The following RASGRF2 variants were observed in gnomAD, a reference collection of about 807,000 sequenced individuals.
RASGRF2 encodes ras-specific guanine nucleotide-releasing factor 2.
In RASGRF2, 76 loss-of-function variants were observed where a neutral mutation model predicts 151.0. The ratio of observed to expected loss-of-function variants is 0.50; its 90% CI spans 0.42 to 0.61. The LOEUF is 0.61. RASGRF2 is among the 20% of genes least tolerant of loss of function. The pLI is 0.00. For synonymous variants in RASGRF2, 504 were observed against 566.5 expected (o/e 0.89, Z 1.57); for missense variants, 1,148 against 1,564.6 (o/e 0.73, Z 4.49).
At chr5:81,208,217 T>C in intron 21 of RASGRF2, 137 bp from the exon 22 acceptor site, 1 of 624,290 alleles carries the variant, frequency 1.6e-6, no homozygotes, top group South Asian at 2.3e-5. Flanking sequence ...CTTGTGAGGC[T>C]GGCAGCAGCA....
At chr5:81,218,199 A>G (rs1755786581) in intron 25 of RASGRF2, among the ~76,000 whole-genome samples, 1 of 152,156 alleles carries the variant, frequency 6.6e-6, no homozygotes, top group African/African-American at 2.4e-5. Context: ...TTGCGGTGGA[A>G]GAGGAGGTGG....
intron 17 of RASGRF2, among the ~76,000 whole-genome samples, chr5:81,177,392 G>A (rs1322140100): frequency 6.6e-6 from 1 of 151,720 alleles, no homozygotes; most frequent in Non-Finnish European, 1.5e-5. Context: ...AGGGGCCTCT[G>A]GCCTTTAGAA....
chr5:81,010,689 A>G (rs527671057), intron 1 of RASGRF2, among the ~76,000 whole-genome samples: 1 of 152,348 alleles, frequency 6.6e-6, no homozygotes, highest in African/African-American at 2.4e-5. Flanking sequence ...TTCAGCTATC[A>G]GCAAATGAGG....
At chr5:81,001,931 G>C (rs1190356784) in intron 1 of RASGRF2, among the ~76,000 whole-genome samples, 2 of 152,146 alleles carry the variant, frequency 1.3e-5, no homozygotes, top group Non-Finnish European at 2.9e-5. Flanking sequence ...TGTCTTCTAT[G>C]TCCTATTGAG....
At chr5:81,083,740 T>C (rs1752151814) in intron 7 of RASGRF2, among the ~76,000 whole-genome samples, 1 of 152,230 alleles carries the variant, frequency 6.6e-6, no homozygotes, top group South Asian at 2.1e-4. Flanking sequence ...GTGTCGAAAG[T>C]CCATTGGTAA....
At chr5:81,055,569 G>A (rs145255002) in intron 2 of RASGRF2, among the ~76,000 whole-genome samples, 3,087 of 152,260 alleles carry the variant, frequency 0.02, 43 homozygotes, top group South Asian at 0.027. Context: ...TGTTCATCAG[G>A]GATATTGGTC....
intron 18 of RASGRF2, among the ~76,000 whole-genome samples, chr5:81,198,609 T>G: frequency 6.6e-6 from 1 of 152,096 alleles, no homozygotes; most frequent in Non-Finnish European, 1.5e-5. Flanking sequence ...CCAGCAAATT[T>G]TTTATATTTT....
chr5:81,037,871 AGTTTAAT>A (rs1302555777), intron 1 of RASGRF2, among the ~76,000 whole-genome samples: 1 of 152,216 alleles, frequency 6.6e-6, no homozygotes, highest in Non-Finnish European at 1.5e-5. Context: ...CATTATCTTC[AGTTTAAT>A]GTTTATGTTT....
At chr5:81,051,920 C>T (rs867534145) in intron 2 of RASGRF2, among the ~76,000 whole-genome samples, 10 of 152,306 alleles carry the variant, frequency 6.6e-5, no homozygotes, top group African/African-American at 2.4e-4. Flanking sequence ...GTGGCTGCAC[C>T]ATTTTACATT....
chr5:80,964,879 C>T (rs1373861530), intron 1 of RASGRF2, among the ~76,000 whole-genome samples: 1 of 151,986 alleles, frequency 6.6e-6, no homozygotes, highest in South Asian at 2.1e-4. Context: ...GTACACATCC[C>T]AGTTAGTCTG....
intron 18 of RASGRF2, among the ~76,000 whole-genome samples, chr5:81,194,733 C>T (rs1188500782): frequency 1.3e-5 from 2 of 152,136 alleles, no homozygotes; most frequent in Non-Finnish European, 2.9e-5. Context: ...GTCAGTAGGG[C>T]GTCCCCAAGG....
At chr5:81,095,090 T>A (rs1158791718) in intron 12 of RASGRF2, 98 bp downstream of exon 12, 1 of 897,334 alleles carries the variant, frequency 1.1e-6, no homozygotes, top group Non-Finnish European at 1.5e-6. Flanking sequence ...ATTAAAAAAT[T>A]ACACTCAGTT....
intron 1 of RASGRF2, among the ~76,000 whole-genome samples, chr5:80,984,607 T>C (rs1748419800): frequency 2.0e-5 from 3 of 152,372 alleles, no homozygotes; most frequent in African/African-American, 4.8e-5. Context: ...ACATTTTCTG[T>C]GATGTAAAAA....
intron 17 of RASGRF2, among the ~76,000 whole-genome samples, chr5:81,163,926 G>T (rs945737509): frequency 6.6e-6 from 1 of 152,146 alleles, no homozygotes; most frequent in African/African-American, 2.4e-5. Flanking sequence ...GTTAGTGTGG[G>T]TGTTAAATGT....
intron 17 of RASGRF2, among the ~76,000 whole-genome samples, chr5:81,155,441 A>G (rs1754238210): frequency 2.6e-5 from 4 of 152,236 alleles, no homozygotes. Flanking sequence ...CAAAACTGAC[A>G]AATCTTAAAC....
intron 17 of RASGRF2, among the ~76,000 whole-genome samples, chr5:81,170,446 G>T (rs1202247204): frequency 6.6e-6 from 1 of 152,228 alleles, no homozygotes; most frequent in Non-Finnish European, 1.5e-5. Flanking sequence ...TGGTGATTTT[G>T]TCTACTCTCT....
At chr5:81,189,126 T>C (rs1051427592) in intron 18 of RASGRF2, among the ~76,000 whole-genome samples, 3 of 152,138 alleles carry the variant, frequency 2.0e-5, no homozygotes, top group Non-Finnish European at 1.5e-5. Context: ...CAGGCTGAGA[T>C]GGTGACAGCA....
intron 2 of RASGRF2, among the ~76,000 whole-genome samples, chr5:81,054,068 T>C (rs1297575810): frequency 6.6e-6 from 1 of 152,370 alleles, no homozygotes; most frequent in Admixed American, 6.5e-5. Flanking sequence ...TCTCCCATTC[T>C]GTAGATTGCC....
intron 24 of RASGRF2, chr5:81,216,960 C>G: frequency 2.2e-6 from 1 of 456,420 alleles, no homozygotes; most frequent in Non-Finnish European, 4.4e-6. Context: ...ATTTTTCCAT[C>G]TAGTTCATCA....
Sources: allele counts gnomAD v4.1 joint callset (sites outside exome capture counted in the v4.1 genomes callset), GRCh38; gene constraint gnomAD v4.1.1; transcripts MANE v1.5; gene names NCBI Gene and HGNC (gene_info 2026-07-23, HGNC 2026-07-21).